The following LARP1 variants were observed in gnomAD, a reference collection of about 807,000 sequenced individuals.
The protein encoded by LARP1 is La ribonucleoprotein 1, translational regulator, also known as la-related protein 1.
A neutral mutation model predicts 122.7 loss-of-function variants in LARP1; 36 were observed. The observed-to-expected ratio is 0.29, with a 90% CI of 0.22 to 0.39. The LOEUF (loss-of-function observed/expected upper bound fraction) is 0.39, where lower values mean the gene tolerates loss of function less well. LARP1 is among the 10% of genes least tolerant of loss of function. LARP1 has a pLI of 1.00. For synonymous variants in LARP1, 539 were observed against 528.7 expected, an observed-to-expected ratio of 1.02 and a Z score of -0.27; for missense variants, 1,040 against 1,403.6, an observed-to-expected ratio of 0.74 and a Z score of 4.14.
chr5:154,804,363 G>A, intron 14 of LARP1, 56 bp downstream of exon 14: 1 of 1,289,728 alleles, frequency 7.8e-7, no homozygotes. Context: ...GGGTGGGCGA[G>A]CCATGAAATT....
chr5:154,805,796 G>A (rs1324006130), intron 14 of LARP1, 85 bp from the exon 15 acceptor site: 1 of 1,440,772 alleles, frequency 6.9e-7, no homozygotes, highest in Middle Eastern at 2.5e-4. Flanking sequence ...GATCTTGGCT[G>A]ACAGAACGGA....
At chr5:154,777,449 A>T (rs1405215150) in intron 1 of LARP1, among the ~76,000 whole-genome samples, 1 of 152,152 alleles carries the variant, frequency 6.6e-6, no homozygotes, top group East Asian at 1.9e-4. Flanking sequence ...TGAATCCAGG[A>T]GACAGAGGTT....
chr5:154,751,748 A>T (rs914380205), upstream of LARP1, among the ~76,000 whole-genome samples: 2 of 152,100 alleles, frequency 1.3e-5, no homozygotes, highest in Non-Finnish European at 2.9e-5. Context: ...TTTATTATTT[A>T]TTGTTGTTTA....
rs974608309 is a variant in LARP1, at chr5:154,803,094, C to T, written c.2110-196C>T. Among the ~76,000 whole-genome samples the T allele has an allele frequency of 4.6e-5, 7 of 152,170 alleles. No individual in the cohort carries two copies. Among genetic ancestry groups the T allele is most frequent in the Non-Finnish European group, 8.8e-5 (6 of 68,038 alleles). On this transcript the variant is annotated intron_variant, in intron 11 of 18. Transcript: ENST00000518297. This position sits in a 1 kb window ranked among gnomAD's most constrained non-coding sequence, Gnocchi z 4.4. ...AGGGCAGGGCAAGCACTGTCTTCTTCTGGGCTAGCACACTTGTGCCAAGGT... is the reference window on the plus strand; with the variant it reads ...AGGGCAGGGCAAGCACTGTCTTCTTTTGGGCTAGCACACTTGTGCCAAGGT...
In LARP1 at chr5:154,803,759, G is replaced by GT; in HGVS notation, c.2439+15dup. On this transcript the variant is annotated intron_variant, in intron 13 of 18. Coordinates refer to ENST00000518297, the MANE Select transcript of LARP1 (RefSeq NM_033551.3). This position sits in a 1 kb window ranked among gnomAD's most constrained non-coding sequence, Gnocchi z 4.4. ...CTGGATGCCAAGGTGAGGCATTCCTGTCGGGCTGCTCAGAGTCTTGGGTCT... is the reference window on the plus strand; with the variant it reads ...CTGGATGCCAAGGTGAGGCATTCCTGTTCGGGCTGCTCAGAGTCTTGGGTCT... The GT allele has an allele frequency of 1.2e-6, 2 of 1,612,284 alleles. No individual in the cohort carries two copies. Among genetic ancestry groups the GT allele is most frequent in the South Asian group, 2.2e-5 (2 of 91,062 alleles).
In LARP1 at chr5:154,803,164, C is replaced by T; in HGVS notation, c.2110-126C>T. 1 of 1,265,986 alleles carries T rather than the reference C, an allele frequency of 7.9e-7. No individual in the cohort carries two copies. The allele number at this position is 1,265,986 out of a possible 1,614,324, so 78.4% of individuals were successfully genotyped here. On this transcript the variant is annotated intron_variant, in intron 11 of 18. Coordinates refer to ENST00000518297, the MANE Select transcript of LARP1 (RefSeq NM_033551.3). The surrounding 1 kb of genome is among the most constrained non-coding windows in gnomAD (Gnocchi z 4.4). Reference sequence around the variant, plus strand: ...GACTGGGCAGCTGAGAGCCTGGGGACCAGAATTCCACGTATGTCGACGTGG... The same window carrying T: ...GACTGGGCAGCTGAGAGCCTGGGGATCAGAATTCCACGTATGTCGACGTGG...
At chr5:154,729,527 A>T in intron 1 of LARP1, 1 of 428,724 alleles carries the variant, frequency 2.3e-6, no homozygotes, top group Non-Finnish European at 4.6e-6. Context: ...GAGCTGACAT[A>T]GCTTCCTGAA....
chr5:154,801,182 C>G (rs1758322029), intron 10 of LARP1, among the ~76,000 whole-genome samples: 1 of 152,234 alleles, frequency 6.6e-6, no homozygotes, highest in South Asian at 2.1e-4. Flanking sequence ...TTCAGTCTAT[C>G]AAAACAAATA....
chr5:154,745,595 T>C (rs1397713666), intron 1 of LARP1, among the ~76,000 whole-genome samples: 1 of 152,228 alleles, frequency 6.6e-6, no homozygotes, highest in Non-Finnish European at 1.5e-5. Context: ...GTTACAGAGC[T>C]GGTAGGTGGC....
intron 1 of LARP1, among the ~76,000 whole-genome samples, chr5:154,758,902 T>G (rs1173332112): frequency 6.6e-6 from 1 of 152,232 alleles, no homozygotes; most frequent in Non-Finnish European, 1.5e-5. Flanking sequence ...ATTTGTAGTT[T>G]TAAGTCTTGG....
chr5:154,794,834 A>G (rs572145634), intron 7 of LARP1, among the ~76,000 whole-genome samples: 2 of 152,364 alleles, frequency 1.3e-5, no homozygotes, highest in Admixed American at 1.3e-4. Flanking sequence ...GAAGTCATAC[A>G]AGAAAATAAA....
At chr5:154,764,732 C>T (rs1754781592) in intron 1 of LARP1, among the ~76,000 whole-genome samples, 2 of 151,398 alleles carry the variant, frequency 1.3e-5, no homozygotes, top group Admixed American at 6.6e-5. Flanking sequence ...TGGTGAAACC[C>T]AGTCTCTACC....
chr5:154,758,843 C>G (rs902052571), intron 1 of LARP1, among the ~76,000 whole-genome samples: 14 of 152,164 alleles, frequency 9.2e-5, no homozygotes, highest in African/African-American at 3.4e-4. Flanking sequence ...CGTGATATCT[C>G]TACTTTCTTG....
rs750511539 is a variant in LARP1 at position 154,802,048 on chromosome 5, T to TCAGCAGCTGCCTTCC, written c.1768_1782dup (p.Pro590_Leu594dup). The TCAGCAGCTGCCTTCC allele has an allele frequency of 6.2e-7, 1 of 1,613,962 alleles. No individual in the cohort carries two copies. The highest frequency in any genetic ancestry group is 8.5e-7 in the Non-Finnish European group (1 of 1,179,920). ...GATTTTCCCACCTGACCTCTCTGCCTCAGCAGCTGCCTTCCCAGCAGCTGA... is the reference window on the plus strand; with the variant it reads ...GATTTTCCCACCTGACCTCTCTGCCTCAGCAGCTGCCTTCCCAGCAGCTGCCTTCCCAGCAGCTGA... On this transcript the variant is annotated inframe_insertion, in exon 11 of 19. Transcript: ENST00000518297. The surrounding 1 kb of genome is among the most constrained non-coding windows in gnomAD (Gnocchi z 5.1).
intron 1 of LARP1, among the ~76,000 whole-genome samples, chr5:154,779,750 C>T (rs1312867235): frequency 3.9e-5 from 6 of 152,004 alleles, no homozygotes; most frequent in Non-Finnish European, 7.4e-5. Context: ...TCAGGTGATC[C>T]GCCTGCCTCG....
At chr5:154,756,967 G>A (rs1229613602) in intron 1 of LARP1, among the ~76,000 whole-genome samples, 1 of 150,472 alleles carries the variant, frequency 6.6e-6, no homozygotes. Context: ...GCGGGGGAGG[G>A]AGTGGCCGGC....
At chr5:154,769,844 C>G (rs1755258078) in intron 1 of LARP1, among the ~76,000 whole-genome samples, 1 of 152,172 alleles carries the variant, frequency 6.6e-6, no homozygotes. Context: ...GAGTGCCTCT[C>G]ACGGTGAGCC....
upstream of LARP1, among the ~76,000 whole-genome samples, chr5:154,754,002 G>A (rs1190457506): frequency 6.6e-6 from 1 of 152,212 alleles, no homozygotes; most frequent in East Asian, 1.9e-4. Flanking sequence ...TTCTCCAAGT[G>A]AAGTCATAAG....
At chr5:154,736,767 T>C (rs1756928016) in intron 1 of LARP1, among the ~76,000 whole-genome samples, 1 of 151,772 alleles carries the variant, frequency 6.6e-6, no homozygotes, top group East Asian at 1.9e-4. Context: ...GGTTTTACCA[T>C]GTTGGCCAGG....
Sources: gnomAD v4.1 joint callset for allele counts (sites outside exome capture counted in the v4.1 genomes callset) on GRCh38, gnomAD v4.1.1 for gene constraint, Gnocchi (gnomAD v3.1) non-coding constraint, MANE v1.5 for transcripts, NCBI Gene and HGNC (gene_info 2026-07-23, HGNC 2026-07-21) for gene names.